The following NKAIN2 variants were observed in gnomAD, a reference collection of about 807,000 sequenced individuals.
NKAIN2 encodes the protein sodium/potassium-transporting ATPase subunit beta-1-interacting protein 2.
In NKAIN2, 14 loss-of-function variants were observed where a neutral mutation model predicts 32.6. That is an observed-to-expected ratio of 0.43 (90% CI 0.28 to 0.67). NKAIN2 has a LOEUF of 0.67. Among genes scored for constraint, NKAIN2 ranks in the 30% least tolerant of loss-of-function variants. The pLI, the probability that NKAIN2 is intolerant of heterozygous loss-of-function variation, is 0.17. For synonymous variants in NKAIN2, 80 were observed against 87.2 expected (o/e 0.92, Z 0.46); for missense variants, 198 against 258.3 (o/e 0.77, Z 1.60).
chr6:124,456,172 T>C (rs939683227), intron 3 of NKAIN2, among the ~76,000 whole-genome samples: 2 of 152,004 alleles, frequency 1.3e-5, no homozygotes, highest in Admixed American at 1.3e-4. Flanking sequence ...TTTCCCTCAA[T>C]ACATTTTGGA....
At chr6:124,202,787 C>G (rs1031818485) in intron 1 of NKAIN2, among the ~76,000 whole-genome samples, 15 of 151,622 alleles carry the variant, frequency 9.9e-5, no homozygotes, top group Non-Finnish European at 2.9e-5. Flanking sequence ...AGTAATAGCT[C>G]TTTTTTAATG....
At chr6:124,190,479 G>C (rs189040693) in intron 1 of NKAIN2, among the ~76,000 whole-genome samples, 7 of 152,268 alleles carry the variant, frequency 4.6e-5, no homozygotes, top group Non-Finnish European at 8.8e-5. Context: ...ATTTTTATCA[G>C]ATAGTAACCA....
At chr6:124,041,919 G>A (rs937025143) in intron 1 of NKAIN2, among the ~76,000 whole-genome samples, 6 of 152,046 alleles carry the variant, frequency 3.9e-5, no homozygotes, top group Admixed American at 1.3e-4. Flanking sequence ...AATCTTAGTT[G>A]CTTAAATCAT....
At chr6:124,465,613 A>G (rs1217577277) in intron 3 of NKAIN2, among the ~76,000 whole-genome samples, 2 of 143,246 alleles carry the variant, frequency 1.4e-5, no homozygotes, top group Admixed American at 7.2e-5. Flanking sequence ...CATGTATCCC[A>G]GGACTTAAAG....
At chr6:124,556,559 T>C (rs925228663) in intron 3 of NKAIN2, among the ~76,000 whole-genome samples, 1 of 152,194 alleles carries the variant, frequency 6.6e-6, no homozygotes, top group African/African-American at 2.4e-5. Context: ...CATTGGATGA[T>C]GCTCACTAGA....
intron 1 of NKAIN2, among the ~76,000 whole-genome samples, chr6:124,265,184 T>G (rs1017545168): frequency 3.3e-5 from 5 of 152,144 alleles, no homozygotes; most frequent in African/African-American, 1.2e-4. Flanking sequence ...TATGTTAAAT[T>G]AATAGAAAGA....
intron 3 of NKAIN2, among the ~76,000 whole-genome samples, chr6:124,574,038 A>G (rs760332574): frequency 5.3e-5 from 8 of 152,160 alleles, no homozygotes; most frequent in Non-Finnish European, 1.0e-4. Context: ...CTGTGCATTG[A>G]CATGCACAAT....
intron 3 of NKAIN2, among the ~76,000 whole-genome samples, chr6:124,610,172 A>G (rs1583515275): frequency 6.6e-6 from 1 of 152,194 alleles, no homozygotes; most frequent in South Asian, 2.1e-4. Flanking sequence ...ACAATGTATT[A>G]TAATTATTGA....
intron 2 of NKAIN2, among the ~76,000 whole-genome samples, chr6:124,342,814 T>TTTATTATTA (rs56290836): frequency 0.027 from 3,893 of 145,448 alleles, 90 homozygotes; most frequent in African/African-American, 0.049. Context: ...CAGAAGATGT[T>TTTATTATTA]TTATTATTAT....
intron 3 of NKAIN2, among the ~76,000 whole-genome samples, chr6:124,376,562 T>C (rs1800003636): frequency 6.6e-6 from 1 of 152,116 alleles, no homozygotes. Flanking sequence ...ATACATATTT[T>C]CAAAGTTTAA....
At chr6:124,108,870 ACT>A (rs1248276178) in intron 1 of NKAIN2, among the ~76,000 whole-genome samples, 1 of 151,374 alleles carries the variant, frequency 6.6e-6, no homozygotes, top group African/African-American at 2.4e-5. Flanking sequence ...TTATTTCTGG[ACT>A]CTCTGTTTTG....
intron 4 of NKAIN2, among the ~76,000 whole-genome samples, chr6:124,765,790 C>T (rs574317837): frequency 6.6e-6 from 1 of 152,284 alleles, no homozygotes; most frequent in East Asian, 1.9e-4. Context: ...TAAACTATAG[C>T]ACTACACAAA....
chr6:123,982,939 T>G (rs1203048750), intron 1 of NKAIN2, among the ~76,000 whole-genome samples: 2 of 152,052 alleles, frequency 1.3e-5, no homozygotes, highest in African/African-American at 4.8e-5. Context: ...TCTCTCTCCA[T>G]TCCCTATTCC....
Position 124,722,884 on chromosome 6 carries a change from C to T in NKAIN2, c.474+64498C>T, listed in dbSNP as rs190255466. ...AGTAACCATCCTAAAAAATGTGAAG[C>T]AGCAGCTCATTTTTAGATCTACTAT... is the stretch of plus-strand genomic sequence containing the variant. On this transcript the variant is annotated intron_variant, in intron 4 of 6. Transcript: ENST00000368417. Among the ~76,000 whole-genome samples the T allele has an allele frequency of 5.7e-3, 862 of 152,296 alleles. 3 individuals carry two copies. The highest frequency in any genetic ancestry group is 4.9e-3 in the Non-Finnish European group (330 of 68,016).
At chr6:124,598,149 T>C (rs1050891797) in intron 3 of NKAIN2, among the ~76,000 whole-genome samples, 2 of 152,188 alleles carry the variant, frequency 1.3e-5, no homozygotes, top group Non-Finnish European at 2.9e-5. Flanking sequence ...GAAACTACAG[T>C]TGGAACCATT....
intron 3 of NKAIN2, among the ~76,000 whole-genome samples, chr6:124,608,768 G>A (rs1232986276): frequency 6.6e-5 from 10 of 152,046 alleles, no homozygotes; most frequent in African/African-American, 1.9e-4. Context: ...CACAATTTTC[G>A]ACCTCACTCG....
chr6:124,769,199 T>C (rs1778642515), intron 4 of NKAIN2, among the ~76,000 whole-genome samples: 1 of 152,188 alleles, frequency 6.6e-6, no homozygotes. Context: ...CTTATCCTGA[T>C]CCTATAGTTG....
intron 4 of NKAIN2, among the ~76,000 whole-genome samples, chr6:124,702,805 T>C (rs2114573942): frequency 6.6e-6 from 1 of 152,228 alleles, no homozygotes; most frequent in Admixed American, 6.5e-5. Flanking sequence ...AGAGCTTTTT[T>C]AGTCATTAAA....
At chr6:124,238,743 C>A (rs531834070) in intron 1 of NKAIN2, among the ~76,000 whole-genome samples, 62 of 152,238 alleles carry the variant, frequency 4.1e-4, no homozygotes, top group African/African-American at 1.4e-3. Flanking sequence ...TATTTTGTCA[C>A]CACCAGGCCT....
Sources: allele counts gnomAD v4.1 joint callset (sites outside exome capture counted in the v4.1 genomes callset), GRCh38; gene constraint gnomAD v4.1.1; transcripts MANE v1.5; gene names NCBI Gene and HGNC (gene_info 2026-07-23, HGNC 2026-07-21).